DCST1: variants seen among roughly 807,000 people sequenced by gnomAD.
The protein encoded by DCST1 is DC-STAMP domain containing 1.
A neutral mutation model predicts 89.1 loss-of-function variants in DCST1; 78 were observed. That is an observed-to-expected ratio of 0.88 (90% CI 0.73 to 1.06). The LOEUF (loss-of-function observed/expected upper bound fraction) is 1.06. Among genes scored for constraint, DCST1 ranks in the 50% least tolerant of loss-of-function variants. The pLI is 0.00. For synonymous variants in DCST1, 364 were observed against 371.9 expected (o/e 0.98, Z 0.24); for missense variants, 900 against 928.6 (o/e 0.97, Z 0.40).
rs528457705 is a variant in DCST1, at chr1:155,047,808, G to C, written c.1634G>C (p.Gly545Ala). The C allele has an allele frequency of 2.4e-5, 38 of 1,614,126 alleles. 1 individual carries two copies. Among genetic ancestry groups the C allele is most frequent in the Middle Eastern group, 3.3e-4 (2 of 6,038 alleles). ...CTAGCCTGCCTGCCCCAGCCTGTGG[G>C]CCTGGATGCCAGGGCCTACTGGAGA... is the stretch of plus-strand genomic sequence containing the variant. ...NNMPCLPQPV[G>A]LDARAYWRAA... Residue 545 changes from glycine to alanine, a missense_variant, in exon 15 of 17, where the codon GGC becomes GCC. Gly to Ala is a moderately conservative substitution (Grantham distance 60). Coordinates refer to ENST00000295542, the MANE Select transcript of DCST1 (RefSeq NM_152494.4).
rs554350190 is a variant in DCST1 at position 155,046,201 on chromosome 1, C to G, written c.1349C>G (p.Ala450Gly). The change falls in exon 12 of 17, where the codon GCC becomes GGC. Residue 450 changes from alanine (A) to glycine (G), a missense_variant. Transcript: ENST00000295542. ...VIFPCKPTIQ[A>G]SEMSNVVREL... ...TTCCCTTGCAAGCCCACCATCCAGG[C>G]CTCAGAAATGAGCAATGTGGTGAGG... is the stretch of plus-strand genomic sequence containing the variant. The G allele has an allele frequency of 3.7e-6, 6 of 1,614,200 alleles. No individual in the cohort carries two copies. The highest frequency in any genetic ancestry group is 2.7e-5 in the African/African-American group (2 of 75,036).
At chr1:155,048,907 T>C (rs1463412063) in intron 16 of DCST1, 7 of 653,978 alleles carry the variant, frequency 1.1e-5, no homozygotes, top group Non-Finnish European at 2.0e-5. Context: ...GAAGGCCTCA[T>C]GCAGGGGCAC....
At chr1:155,047,675 G>A (rs1483083336) in intron 14 of DCST1, 112 bp from the exon 15 acceptor site, 3 of 935,830 alleles carry the variant, frequency 3.2e-6, no homozygotes, top group African/African-American at 3.2e-5. Context: ...CAGGCAGGAG[G>A]AGAGCAGGGG....
rs1660207572 is a variant in DCST1, at chr1:155,034,539, G to T, written c.166G>T (p.Ala56Ser). 6.2e-7 allele frequency: 1 copy of T among 1,613,490 alleles called. No individual in the cohort carries two copies. ...CACTGCTCTCCTGCTGGGGGCAGGC[G>T]CTGGGGGGCTCCTGGCCATAGGTGA... The part of the protein sequence containing the change: ...PVTALLLGAG[A>S]GGLLAIGLFQ... The change falls in exon 3 of 17, where the codon GCT (alanine) becomes TCT (serine). Residue 56 changes from alanine (A) to serine (S), a missense_variant. Coordinates refer to ENST00000295542, the MANE Select transcript of DCST1 (RefSeq NM_152494.4).
At chr1:155,036,259 GA>G (rs1279859333) in intron 4 of DCST1, among the ~76,000 whole-genome samples, 5 of 152,130 alleles carry the variant, frequency 3.3e-5, no homozygotes, top group African/African-American at 1.2e-4. Flanking sequence ...AATCCTGCTG[GA>G]TACCAACAGG....
At chr1:155,038,407 C>T (rs1354823689) in intron 4 of DCST1, among the ~76,000 whole-genome samples, 1 of 152,232 alleles carries the variant, frequency 6.6e-6, no homozygotes, top group Non-Finnish European at 1.5e-5. Flanking sequence ...TGCAAGATCA[C>T]TCTGGCTGCC....
rs1303631969 is a variant in DCST1 at position 155,042,849 on chromosome 1, A to C, written c.1007A>C (p.Asp336Ala). The C allele has an allele frequency of 1.2e-6, 2 of 1,614,176 alleles. No homozygotes were observed. Among genetic ancestry groups the C allele is most frequent in the Admixed American group, 3.3e-5 (2 of 60,022 alleles). ...GATGGGGAATTTTCAGCCAATATTG[A>C]CTTCAAGGTAGAAGGCAAGGGCGAG... ...GLDGEFSANI[D>A]FKEEKQAGVL... is the part of the protein sequence containing the mutation. Residue 336 changes from aspartate to alanine, a missense_variant, in exon 9 of 17, where the codon GAC (aspartate) becomes GCC (alanine). Physicochemically the swap from Asp to Ala is moderately radical, Grantham distance 126. Transcript: ENST00000295542.
chr1:155,048,236 G>A lies in DCST1; in HGVS notation c.1869+66G>A, dbSNP rs971549230. ...GTCTAAGTACAGCAGGCAAGGGGCA[G>A]CTCCCTTCAGTCCACCCAGCACCCA... On this transcript the variant is annotated intron_variant, in intron 16 of 16. Coordinates refer to ENST00000295542, the MANE Select transcript of DCST1 (RefSeq NM_152494.4). 5.3e-6 allele frequency: 7 copies of A among 1,310,144 alleles called. No individual in the cohort carries two copies. In the African/African-American group the frequency reaches 7.2e-5, roughly 14 times the overall value. The allele number at this position is 1,310,144 out of a possible 1,614,324, so 81.2% of individuals were successfully genotyped here. A position where few individuals can be genotyped will look rare whatever the true frequency, so the allele number is the denominator to read the frequency against.
chr1:155,039,562 G>A (rs1660372913), intron 5 of DCST1, 31 bp downstream of exon 5: 2 of 1,530,330 alleles, frequency 1.3e-6, no homozygotes, highest in Admixed American at 1.9e-5. Flanking sequence ...GAGTTACACT[G>A]AAGCAGTGAC....
At chr1:155,040,395 C>T (rs1452945126) in intron 5 of DCST1, 90 bp from the exon 6 acceptor site, 5 of 1,433,648 alleles carry the variant, frequency 3.5e-6, no homozygotes, top group South Asian at 1.4e-5. Flanking sequence ...TAGTTCTAGG[C>T]GATGGGCACT....
chr1:155,043,206 G>A, intron 9 of DCST1, 146 bp from the exon 10 acceptor site: 1 of 1,149,218 alleles, frequency 8.7e-7, no homozygotes, highest in Non-Finnish European at 1.2e-6. Flanking sequence ...GGAGGGTGGT[G>A]AGCAGAAGGA....
In DCST1 at chr1:155,050,739, C is replaced by G; in HGVS notation, c.1992C>G (p.Asp664Glu). Residue 664 changes from aspartate (D) to glutamate (E), a missense_variant, in exon 17 of 17, where the codon GAC (aspartate) becomes GAG (glutamate). By Grantham distance (45) the Asp-to-Glu change is conservative. Coordinates refer to ENST00000295542, the MANE Select transcript of DCST1 (RefSeq NM_152494.4). ...AGTCCTACGTGTGCCGGACGCTGGA[C>G]TGCGAGGCCGTGTACTGCTGGTCGT... is the stretch of plus-strand genomic sequence containing the variant. Reference protein sequence around the residue: ...TPESYVCRTLDCEAVYCWSCW... With the variant: ...TPESYVCRTLECEAVYCWSCW... 2 of 1,610,936 alleles carry G rather than the reference C, an allele frequency of 1.2e-6. No individual in the cohort carries two copies. The highest frequency in any genetic ancestry group is 1.7e-6 in the Non-Finnish European group (2 of 1,178,900).
chr1:155,041,866 A>G lies in DCST1; in HGVS notation c.892+9A>G, dbSNP rs1254896972. The G allele has an allele frequency of 6.2e-7, 1 of 1,614,110 alleles. No homozygotes were observed. The highest frequency in any genetic ancestry group is 8.5e-7 in the Non-Finnish European group (1 of 1,179,972). On this transcript the variant is annotated intron_variant, in intron 8 of 16. Coordinates refer to ENST00000295542, the MANE Select transcript of DCST1 (RefSeq NM_152494.4). ...CTGTGGCATTGCCAAGGGTCTGCAC[A>G]GTTGCAAAGGGGTGGGGAGCATCGG...
chr1:155,034,954 C>A (rs963077080), intron 4 of DCST1: 11 of 573,750 alleles, frequency 1.9e-5, no homozygotes, highest in African/African-American at 1.9e-4. Context: ...GAGGGACTCC[C>A]CATCACCCAC....
At position 155,045,934 on chromosome 1, in the gene DCST1, T is replaced by C; in HGVS notation, c.1214T>C (p.Phe405Ser). ...GACAGCTATAACCATGACATTCGTT[T>C]TGACAACATCTACATCAGTACCTAC... The part of the protein sequence containing the change: ...YMDSYNHDIR[F>S]DNIYISTYFC... Residue 405 changes from phenylalanine (F) to serine (S), a missense_variant, in exon 11 of 17, where the codon TTT becomes TCT. By Grantham distance (155) the Phe-to-Ser change is radical (BLOSUM62 -2). Transcript: ENST00000295542. The C allele has an allele frequency of 1.2e-6, 2 of 1,614,214 alleles. No individual in the cohort carries two copies. Among genetic ancestry groups the C allele is most frequent in the Non-Finnish European group, 1.7e-6 (2 of 1,180,044 alleles).
intron 4 of DCST1, among the ~76,000 whole-genome samples, chr1:155,037,303 G>A (rs928011300): frequency 1.3e-5 from 2 of 152,016 alleles, no homozygotes; most frequent in Admixed American, 6.6e-5. Flanking sequence ...TTCCTGCAGC[G>A]CCAGTCCCTG....
Position 155,047,828 on chromosome 1 carries a change from T to C in DCST1, c.1654T>C (p.Trp552Arg). 1 of 1,614,194 alleles carries C rather than the reference T, an allele frequency of 6.2e-7. No individual in the cohort carries two copies. The highest frequency in any genetic ancestry group is 1.7e-4 in the Middle Eastern group (1 of 6,058). Residue 552 changes from tryptophan (W) to arginine (R), a missense_variant, in exon 15 of 17, where the codon TGG becomes CGG. Coordinates refer to ENST00000295542, the MANE Select transcript of DCST1 (RefSeq NM_152494.4). ...TGTGGGCCTGGATGCCAGGGCCTAC[T>C]GGAGAGCTGCAGTACCGATTGGCCT... ...QPVGLDARAY[W>R]RAAVPIGLLV...
chr1:155,038,930 A>T (rs910588388), intron 4 of DCST1, among the ~76,000 whole-genome samples: 1 of 152,204 alleles, frequency 6.6e-6, no homozygotes, highest in Admixed American at 6.5e-5. Flanking sequence ...GTACATGACC[A>T]AGGGCTAAAA....
In DCST1 at chr1:155,043,696, T is replaced by C. The variant is rs188567581; in HGVS notation, c.1172+187T>C. Among the ~76,000 whole-genome samples, 12 of 152,310 alleles carry C rather than the reference T, an allele frequency of 7.9e-5. No homozygotes were observed. In the East Asian group the frequency reaches 1.7e-3, roughly 22 times the overall value. ...CATTTTGTCAGAAGAACATTACCCA[T>C]GTTCCCACTGCCTTAAAAGGCCAAC... On this transcript the variant is annotated intron_variant, in intron 10 of 16. Coordinates refer to ENST00000295542, the MANE Select transcript of DCST1 (RefSeq NM_152494.4).
Sources: gnomAD v4.1 joint callset for allele counts (sites outside exome capture counted in the v4.1 genomes callset) on GRCh38, gnomAD v4.1.1 for gene constraint, MANE v1.5 for transcripts, NCBI Gene and HGNC (gene_info 2026-07-23, HGNC 2026-07-21) for gene names.